The following ULK4 variants were observed in gnomAD, a reference collection of about 807,000 sequenced individuals.
The protein encoded by ULK4 is unc-51 like kinase 4.
ULK4 carries 133 observed loss-of-function variants against 160.6 expected under a neutral mutation model. The ratio of observed to expected loss-of-function variants is 0.83; its 90% CI spans 0.72 to 0.96. The LOEUF (loss-of-function observed/expected upper bound fraction) is 0.96. ULK4 is among the 40% of genes least tolerant of loss of function. The probability of loss-of-function intolerance (pLI) is 0.00; values close to 1 mark genes in which losing one functional copy is unlikely to be tolerated. For missense variants in ULK4, 1,580 were observed against 1,499.5 expected, an observed-to-expected ratio of 1.05 and a Z score of -0.89; for synonymous variants, 534 against 539.8, an observed-to-expected ratio of 0.99 and a Z score of 0.15.
chr3:41,428,304 G>T (rs2082823968), intron 34 of ULK4, among the ~76,000 whole-genome samples: 1 of 152,138 alleles, frequency 6.6e-6, no homozygotes, highest in Non-Finnish European at 1.5e-5. Flanking sequence ...CATGCTCATG[G>T]ATATGAAGAA....
intron 32 of ULK4, among the ~76,000 whole-genome samples, chr3:41,485,887 G>A (rs2084509657): frequency 6.6e-6 from 1 of 152,194 alleles, no homozygotes; most frequent in African/African-American, 2.4e-5. Flanking sequence ...AAAAAATGAA[G>A]CTGGCAGAAA....
chr3:41,509,381 A>G (rs2125922689), intron 32 of ULK4, among the ~76,000 whole-genome samples: 1 of 152,352 alleles, frequency 6.6e-6, no homozygotes, highest in Middle Eastern at 3.4e-3. Context: ...AGAGACATGT[A>G]AAAGTTTGGA....
At chr3:41,753,824 G>A (rs186975428) in intron 22 of ULK4, among the ~76,000 whole-genome samples, 6 of 152,332 alleles carry the variant, frequency 3.9e-5, no homozygotes, top group Admixed American at 6.5e-5. Flanking sequence ...CTGAGATTGG[G>A]TAATTTATAA....
chr3:41,469,616 A>AAAAAAAAAAAAAAAAAAAAAAAAAAAAC (rs1559625795), intron 32 of ULK4, among the ~76,000 whole-genome samples: 3 of 148,104 alleles, frequency 2.0e-5, no homozygotes, highest in Admixed American at 6.7e-5. Flanking sequence ...AAAAAAAAAA[A>AAAAAAAAAAAAAAAAAAAAAAAAAAAAC]AAAAAAAAAA....
chr3:41,794,659 T>A (rs2040241147), intron 20 of ULK4, among the ~76,000 whole-genome samples: 2 of 7,876 alleles, frequency 2.5e-4, no homozygotes, highest in East Asian at 5.6e-3. Context: ...AGACTCTGTC[T>A]CAAAAAAAAA....
Position 41,498,072 on chromosome 3 carries a change from A to T in ULK4, c.3227-34819T>A, listed in dbSNP as rs1421919797. ...ATCTTGATGTCAATGATTTTTATAG[A>T]CTCCTATAGCCACAACTCCAGAATA... On this transcript the variant is annotated intron_variant, in intron 32 of 36. Transcript: ENST00000301831. Among the ~76,000 whole-genome samples the T allele has an allele frequency of 2.0e-5, 3 of 151,906 alleles. No homozygotes were observed. In the East Asian group the frequency reaches 5.8e-4, roughly 29 times the overall value.
chr3:41,908,280 A>G (rs552889610), intron 11 of ULK4, among the ~76,000 whole-genome samples: 5 of 152,314 alleles, frequency 3.3e-5, no homozygotes, highest in African/African-American at 1.2e-4. Context: ...TTGTAGCTAT[A>G]TATCATTAAG....
chr3:41,959,908 C>T lies in ULK4; in HGVS notation c.-49+2108G>A, dbSNP rs562070801. Among the ~76,000 whole-genome samples the T allele has an allele frequency of 3.3e-5, 5 of 152,200 alleles. No individual in the cohort carries two copies. The South Asian group carries it at 8.3e-4, about 25-fold the overall frequency. ...AAGCCAGAAAAAATATAATCAGAAA[C>T]CTTAAGTGTTCACAAATTGTCTACA... On this transcript the variant is annotated intron_variant, in intron 1 of 36. Transcript: ENST00000301831.
At chr3:41,773,892 G>C (rs555187559) in intron 21 of ULK4, among the ~76,000 whole-genome samples, 11 of 152,274 alleles carry the variant, frequency 7.2e-5, no homozygotes, top group Non-Finnish European at 1.3e-4. Flanking sequence ...CAATGGAACA[G>C]AACAGAGCCC....
intron 30 of ULK4, among the ~76,000 whole-genome samples, chr3:41,657,886 T>C (rs1303706141): frequency 6.7e-6 from 1 of 148,474 alleles, no homozygotes; most frequent in Non-Finnish European, 1.5e-5. Context: ...AGTTAATGAG[T>C]TGCCATTTTA....
chr3:41,286,383 C>T (rs2079457944), intron 35 of ULK4, among the ~76,000 whole-genome samples: 1 of 151,962 alleles, frequency 6.6e-6, no homozygotes, highest in African/African-American at 2.4e-5. Context: ...AACCTGGTAG[C>T]TACATGAGGT....
At position 41,326,423 on chromosome 3, in the gene ULK4, A is replaced by G. The variant is rs74623838; in HGVS notation, c.3678+71656T>C. Among the ~76,000 whole-genome samples the G allele has an allele frequency of 8.5e-3, 1,292 of 151,306 alleles. 11 individuals are homozygous for G. The highest frequency in any genetic ancestry group is 0.022 in the African/African-American group (916 of 40,972). On this transcript the variant is annotated intron_variant, in intron 35 of 36. Transcript: ENST00000301831. ...ATGTTGAAAAAATGTATTAACCTTA[A>G]AGAGAGTTATATTTACATGCATATA...
chr3:41,683,141 C>T (rs2035977431), intron 27 of ULK4, among the ~76,000 whole-genome samples: 1 of 152,080 alleles, frequency 6.6e-6, no homozygotes, highest in African/African-American at 2.4e-5. Context: ...TACCCGCTAA[C>T]CCCAAGGCTT....
At chr3:41,270,138 G>A (rs942803848) in intron 35 of ULK4, among the ~76,000 whole-genome samples, 1 of 152,058 alleles carries the variant, frequency 6.6e-6, no homozygotes, top group South Asian at 2.1e-4. Context: ...GAAAAAAAGC[G>A]ATCTGTCATA....
At chr3:41,522,282 G>A (rs1296809248) in intron 32 of ULK4, among the ~76,000 whole-genome samples, 2 of 151,634 alleles carry the variant, frequency 1.3e-5, no homozygotes, top group Non-Finnish European at 2.9e-5. Context: ...TGGGATTACA[G>A]GTGCATGACA....
intron 35 of ULK4, among the ~76,000 whole-genome samples, chr3:41,273,262 T>C (rs1282144202): frequency 2.0e-5 from 3 of 152,208 alleles, no homozygotes; most frequent in Admixed American, 1.3e-4. Flanking sequence ...TCTGAAGCAG[T>C]GCTCAATCTA....
chr3:41,721,362 A>T (rs199836786), intron 22 of ULK4, among the ~76,000 whole-genome samples: 1,272 of 27,954 alleles, frequency 0.046, 88 homozygotes, highest in African/African-American at 0.099. Flanking sequence ...ATATATATAT[A>T]TTTTTTTTTT....
chr3:41,886,758 T>C (rs146964581), intron 16 of ULK4, among the ~76,000 whole-genome samples: 71 of 152,152 alleles, frequency 4.7e-4, no homozygotes, highest in African/African-American at 1.6e-3. Flanking sequence ...GTATTTTTAG[T>C]AGAGACAGGG....
chr3:41,680,756 G>A (rs1166877998), intron 29 of ULK4, among the ~76,000 whole-genome samples: 1 of 152,092 alleles, frequency 6.6e-6, no homozygotes, highest in Non-Finnish European at 1.5e-5. Context: ...CCCAGACTGC[G>A]GCCCAGGCCC....
Sources: allele counts gnomAD v4.1 joint callset (sites outside exome capture counted in the v4.1 genomes callset), GRCh38; gene constraint gnomAD v4.1.1; transcripts MANE v1.5; gene names NCBI Gene and HGNC (gene_info 2026-07-23, HGNC 2026-07-21).